Variants in WRN observed in about 807,000 individuals in gnomAD.
WRN encodes bifunctional 3'-5' exonuclease/ATP-dependent helicase WRN.
Under a neutral mutation model 180.7 loss-of-function variants are expected in WRN, and 149 were observed. That is an observed-to-expected ratio of 0.82 (90% CI 0.72 to 0.94). The LOEUF is 0.94. Among genes scored for constraint, WRN ranks in the 40% least tolerant of loss-of-function variants. WRN has a pLI of 0.00. For synonymous variants in WRN, 548 were observed against 568.9 expected, an observed-to-expected ratio of 0.96 and a Z score of 0.52; for missense variants, 1,661 against 1,700.1, an observed-to-expected ratio of 0.98 and a Z score of 0.40.
intron 23 of WRN, among the ~76,000 whole-genome samples, chr8:31,129,744 C>T (rs1017800496): frequency 8.6e-5 from 13 of 151,932 alleles, no homozygotes; most frequent in South Asian, 2.1e-4. Context: ...CGTTGGCTCA[C>T]GCCTGTAATC....
At chr8:31,062,613 C>T (rs758834201) in intron 3 of WRN, among the ~76,000 whole-genome samples, 1 of 151,702 alleles carries the variant, frequency 6.6e-6, no homozygotes, top group African/African-American at 2.4e-5. Flanking sequence ...GGGTTTTTGC[C>T]ATGTTGCCCA....
At chr8:31,059,124 T>C (rs995146854) in intron 2 of WRN, 29 bp from the exon 3 acceptor site, 5 of 1,503,562 alleles carry the variant, frequency 3.3e-6, no homozygotes, top group Admixed American at 3.3e-5. Flanking sequence ...GTGAACTTTG[T>C]GCCTGTTTTG....
At chr8:31,093,430 T>C (rs970402040) in intron 16 of WRN, among the ~76,000 whole-genome samples, 4 of 152,164 alleles carry the variant, frequency 2.6e-5, no homozygotes, top group African/African-American at 9.7e-5. Context: ...TGTTTTAATA[T>C]CTGATTATTA....
At chr8:31,132,950 T>G (rs564131455) in intron 24 of WRN, among the ~76,000 whole-genome samples, 1 of 152,352 alleles carries the variant, frequency 6.6e-6, no homozygotes, top group East Asian at 1.9e-4. Flanking sequence ...TAACAATATT[T>G]GGGACATATT....
chr8:31,062,160 C>T (rs993637912), intron 3 of WRN, among the ~76,000 whole-genome samples: 1 of 152,154 alleles, frequency 6.6e-6, no homozygotes, highest in Non-Finnish European at 1.5e-5. Context: ...CCTGTACTGC[C>T]TGTTGTCTAG....
intron 18 of WRN, among the ~76,000 whole-genome samples, chr8:31,101,205 A>C (rs1413038226): frequency 6.6e-6 from 1 of 152,218 alleles, no homozygotes; most frequent in Non-Finnish European, 1.5e-5. Context: ...GGCCACATGT[A>C]GTCTGTATCA....
rs1326990796 is a variant in WRN, at chr8:31,149,375, T to A, written c.3573-966T>A. Among the ~76,000 whole-genome samples the A allele has an allele frequency of 2.8e-5, 4 of 144,340 alleles. No individual in the cohort carries two copies. In the East Asian group the frequency reaches 8.4e-4, roughly 30 times the overall value. The allele number at this position is 144,340 out of a possible 152,430, so 94.7% of individuals were successfully genotyped here. A position where few individuals can be genotyped will look rare whatever the true frequency, so the allele number is the denominator to read the frequency against. The stretch of plus-strand genomic sequence containing the variant: ...TCGCGCCACTGCACTCCAGCCTGGG[T>A]GACAGAGCGAGACTCCGTCTAAAAA... On this transcript the variant is annotated intron_variant, in intron 30 of 34. Transcript: ENST00000298139.
At position 31,124,514 on chromosome 8, in the gene WRN, A is replaced by T; in HGVS notation, c.2631-8A>T. On this transcript the variant is annotated splice_polypyrimidine_tract_variant and splice_region_variant and intron_variant, in intron 21 of 34. Transcript: ENST00000298139. ...TTTACATATTCCTGTGATGTTTTTA[A>T]TCGACAGGCACCTTCTTACTGAGAT... 1 of 1,605,490 alleles carries T rather than the reference A, an allele frequency of 6.2e-7. No homozygotes were observed. The highest frequency in any genetic ancestry group is 1.7e-4 in the Middle Eastern group (1 of 6,038).
rs779625263 is a variant in WRN, at chr8:31,058,579, AT to A, written c.96+39del. ...CATTGACTATTCTTTTGGGTGAGAA[AT>A]TTAATTTATATTTGACTGTGCAAAG... On this transcript the variant is annotated intron_variant, in intron 2 of 34. Coordinates refer to ENST00000298139, the MANE Select transcript of WRN (RefSeq NM_000553.6). The A allele has an allele frequency of 1.5e-5, 24 of 1,594,930 alleles. No individual in the cohort carries two copies. In the African/African-American group the frequency reaches 2.6e-4, roughly 17 times the overall value.
At chr8:31,101,787 C>CA (rs60342321) in intron 18 of WRN, among the ~76,000 whole-genome samples, 11,556 of 40,958 alleles carry the variant, frequency 0.28, 1,620 homozygotes, top group Non-Finnish European at 0.33. Context: ...AACTCTGTCT[C>CA]AAAAAAAAAA....
chr8:31,164,033 T>C (rs1249549117), intron 33 of WRN, among the ~76,000 whole-genome samples: 1 of 152,118 alleles, frequency 6.6e-6, no homozygotes, highest in African/African-American at 2.4e-5. Context: ...AGATGAGTTC[T>C]CACTACATTG....
chr8:31,078,207 C>G (rs1003638851), intron 8 of WRN, among the ~76,000 whole-genome samples: 2 of 152,100 alleles, frequency 1.3e-5, no homozygotes, highest in Non-Finnish European at 2.9e-5. Context: ...AATAGGTTTT[C>G]TTAAAACTTG....
chr8:31,045,283 C>T (rs1811816841), intron 1 of WRN, among the ~76,000 whole-genome samples: 1 of 152,132 alleles, frequency 6.6e-6, no homozygotes, highest in Non-Finnish European at 1.5e-5. Flanking sequence ...TTCCTACAGT[C>T]AAACAAATTA....
intron 19 of WRN, 40 bp downstream of exon 19, chr8:31,111,839 CT>C (rs111854110): frequency 0.14 from 158,784 of 1,098,046 alleles, 593 homozygotes; most frequent in African/African-American, 0.2. Context: ...TAATGATTTC[CT>C]TTTTTTTTTT....
In WRN at chr8:31,175,207, C is replaced by T. The variant is rs1251470506; in HGVS notation, c.*2105C>T. 3.3e-5 allele frequency among the ~76,000 whole-genome samples: 5 copies of T among 152,104 alleles called. No homozygotes were observed. The highest frequency in any genetic ancestry group is 5.9e-5 in the Non-Finnish European group (4 of 67,966). On this transcript the variant is annotated 3_prime_UTR_variant, in exon 35 of 35. Coordinates refer to ENST00000298139, the MANE Select transcript of WRN (RefSeq NM_000553.6). ...ATCCCAGCACTTTGGGAGGCCGAGG[C>T]GGGCGGATCACGAGATCAGGAGATC...
At chr8:31,052,515 G>A (rs1169043971) in intron 1 of WRN, among the ~76,000 whole-genome samples, 1 of 152,052 alleles carries the variant, frequency 6.6e-6, no homozygotes. Flanking sequence ...AGCCTCTTGA[G>A]TAACTGGGAT....
intron 16 of WRN, among the ~76,000 whole-genome samples, chr8:31,096,408 C>T (rs1367612471): frequency 5.3e-5 from 8 of 152,062 alleles, no homozygotes; most frequent in Non-Finnish European, 8.8e-5. Context: ...TTAACTCAAG[C>T]TAGCATGAGT....
At chr8:31,079,968 C>G (rs1813235638) in intron 8 of WRN, among the ~76,000 whole-genome samples, 1 of 152,054 alleles carries the variant, frequency 6.6e-6, no homozygotes, top group African/African-American at 2.4e-5. Context: ...GGGGCCCCTA[C>G]CTACGGGATT....
At chr8:31,065,405 T>G (rs1333869667) in intron 5 of WRN, among the ~76,000 whole-genome samples, 1 of 151,594 alleles carries the variant, frequency 6.6e-6, no homozygotes, top group Non-Finnish European at 1.5e-5. Context: ...ACCCTCCACC[T>G]CCCACAGTGT....
Sources: gnomAD v4.1 joint callset for allele counts (sites outside exome capture counted in the v4.1 genomes callset) on GRCh38, gnomAD v4.1.1 for gene constraint, MANE v1.5 for transcripts, NCBI Gene and HGNC (gene_info 2026-07-23, HGNC 2026-07-21) for gene names.